The following OR52N4 variants were observed in gnomAD, a reference collection of about 807,000 sequenced individuals.
OR52N4 encodes the protein olfactory receptor family 52 subfamily N member 4.
OR52N4 carries 15 observed loss-of-function variants against 15.0 expected under a neutral mutation model. The ratio of observed to expected loss-of-function variants is 1.00; its 90% CI spans 0.67 to 1.54. The LOEUF is 1.54. OR52N4 is among the 40% of genes most tolerant of loss of function. The pLI is 0.00. For synonymous variants in OR52N4, 143 were observed against 143.7 expected (o/e 1.00, Z 0.03); for missense variants, 421 against 394.0 (o/e 1.07, Z -0.58).
At chr11:5,726,782 A>G in the OR52N4 span, 1 of 153,514 alleles carries the variant, frequency 6.5e-6, no homozygotes, top group Non-Finnish European at 1.5e-5. Context: ...AGCCGGACAT[A>G]TATCTGCCTC....
At chr11:5,727,515 G>A in the OR52N4 span, 1 of 152,056 alleles carries the variant, frequency 6.6e-6, no homozygotes, top group Non-Finnish European at 1.5e-5. Context: ...ACCTTTTCAA[G>A]ATAATCCTCA....
At chr11:5,744,865 G>A in the OR52N4 span, among the ~76,000 whole-genome samples, 1 of 152,158 alleles carries the variant, frequency 6.6e-6, no homozygotes, top group Admixed American at 6.5e-5. Context: ...AAGTTGCAGT[G>A]AGCCAAGATT....
the OR52N4 span, among the ~76,000 whole-genome samples, chr11:5,744,252 A>G: frequency 6.6e-6 from 1 of 152,328 alleles, no homozygotes; most frequent in African/African-American, 2.4e-5. Flanking sequence ...GACCAGAGGC[A>G]TTCACAATCA....
chr11:5,748,432 T>C, the OR52N4 span, among the ~76,000 whole-genome samples: 92 of 151,958 alleles, frequency 6.1e-4, no homozygotes, highest in African/African-American at 2.1e-3. Flanking sequence ...ATCATAATGA[T>C]GATTATTTCA....
the OR52N4 span, chr11:5,735,959 T>C: frequency 6.5e-6 from 1 of 154,612 alleles, no homozygotes. Flanking sequence ...AAGCTTCTTA[T>C]TAGTTTTACC....
the OR52N4 span, among the ~76,000 whole-genome samples, chr11:5,744,614 C>A: frequency 6.6e-6 from 1 of 152,162 alleles, no homozygotes; most frequent in African/African-American, 2.4e-5. Flanking sequence ...ATGGGCATAA[C>A]ACAATTAAAA....
chr11:5,755,483 G>T lies in OR52N4; in HGVS notation c.743G>T (p.Cys248Phe). The T allele has an allele frequency of 6.2e-7, 1 of 1,613,950 alleles. No individual in the cohort carries two copies. The highest frequency in any genetic ancestry group is 1.1e-5 in the South Asian group (1 of 91,084). ...TTTAATACCTGCACTGCCCACATTT[G>T]TGCCATTGTTTTCTCCTATACTCCA... The part of the protein sequence containing the change: ...KAFNTCTAHI[C>F]AIVFSYTPAF... The change falls in exon 2 of 2, where the codon TGT becomes TTT. Residue 248 changes from cysteine to phenylalanine, a missense_variant. Coordinates refer to ENST00000641350, the MANE Select transcript of OR52N4 (RefSeq NM_001005175.5).
chr11:5,736,289 A>C, the OR52N4 span: 1 of 527,790 alleles, frequency 1.9e-6, no homozygotes, highest in Non-Finnish European at 3.4e-6. Context: ...TTCATCTCCC[A>C]TAATTCTTCA....
At chr11:5,744,219 A>G in the OR52N4 span, among the ~76,000 whole-genome samples, 1 of 152,290 alleles carries the variant, frequency 6.6e-6, no homozygotes, top group African/African-American at 2.4e-5. Flanking sequence ...GTGCAACTGA[A>G]TCTTCTAACA....
the OR52N4 span, chr11:5,737,109 G>C: frequency 6.2e-7 from 1 of 1,614,056 alleles, no homozygotes; most frequent in Non-Finnish European, 8.5e-7. Context: ...AGCCTGGCTT[G>C]TGATGACAGG....
At chr11:5,748,034 C>A in the OR52N4 span, among the ~76,000 whole-genome samples, 1 of 150,078 alleles carries the variant, frequency 6.7e-6, no homozygotes, top group Non-Finnish European at 1.5e-5. Context: ...TCATATTTTT[C>A]TTTTGAAAGG....
the OR52N4 span, chr11:5,736,521 A>ATT: frequency 6.2e-7 from 1 of 1,613,448 alleles, no homozygotes. Flanking sequence ...TGAATCATGA[A>ATT]TCATATGTCT....
chr11:5,747,274 G>A, the OR52N4 span, among the ~76,000 whole-genome samples: 1 of 151,580 alleles, frequency 6.6e-6, no homozygotes, highest in Non-Finnish European at 1.5e-5. Context: ...AGGCCAACCA[G>A]CCTTTGCAAA....
the OR52N4 span, among the ~76,000 whole-genome samples, chr11:5,728,287 C>T: frequency 6.6e-6 from 1 of 152,174 alleles, no homozygotes; most frequent in Non-Finnish European, 1.5e-5. Flanking sequence ...ACCCAAACCA[C>T]TCAGAATGGG....
chr11:5,754,889 T>A lies in OR52N4; in HGVS notation c.149T>A (p.Leu50His), dbSNP rs1391491829. 3.1e-6 allele frequency: 5 copies of A among 1,613,830 alleles called. No homozygotes were observed. The South Asian group carries it at 3.3e-5, about 11-fold the overall frequency. ...AMVGNCGLLY[L>H]IHYEDALHKP... The stretch of plus-strand genomic sequence containing the variant: ...GTAGGGAATTGTGGACTCCTCTACC[T>A]CATTCACTATGAGGATGCCCTGCAC... Residue 50 changes from leucine to histidine, a missense_variant, in exon 2 of 2, where the codon CTC (leucine) becomes CAC (histidine). Transcript: ENST00000641350.
chr11:5,731,456 T>C, the OR52N4 span, among the ~76,000 whole-genome samples: 1 of 152,352 alleles, frequency 6.6e-6, no homozygotes, highest in Non-Finnish European at 1.5e-5. Context: ...TCCAGAATTG[T>C]TGTGTACGTC....
At position 5,755,884 on chromosome 11, in the gene OR52N4, TTTCTATAAATTTTTTAC is replaced by T. The variant is rs1360922045; in HGVS notation, c.*179_*195del. On this transcript the variant is annotated 3_prime_UTR_variant, in exon 2 of 2. Coordinates refer to ENST00000641350, the MANE Select transcript of OR52N4 (RefSeq NM_001005175.5). Reference sequence around the variant, plus strand: ...AACATCATTGGAAGGCCCACCAACATTTCTATAAATTTTTTACCTTCTCACTCATGTGAAGGACCAGT... The same window carrying T: ...AACATCATTGGAAGGCCCACCAACATCTTCTCACTCATGTGAAGGACCAGT... The T allele has an allele frequency of 8.5e-6, 6 of 702,156 alleles. No individual in the cohort carries two copies. Among genetic ancestry groups the T allele is most frequent in the Non-Finnish European group, 1.4e-5 (6 of 441,096 alleles). The allele number at this position is 702,156 out of a possible 1,614,324, so 43.5% of individuals were successfully genotyped here.
upstream of OR52N4, among the ~76,000 whole-genome samples, chr11:5,751,654 GTTTA>G (rs906549815): frequency 2.6e-5 from 4 of 151,886 alleles, no homozygotes; most frequent in African/African-American, 9.7e-5. Flanking sequence ...TTACTTATTT[GTTTA>G]TTTATTTTAA....
At chr11:5,736,244 C>T in the OR52N4 span, 3 of 418,248 alleles carry the variant, frequency 7.2e-6, no homozygotes, top group East Asian at 9.4e-5. Flanking sequence ...CGTTAATGGA[C>T]ATCTATATCA....
Sources: allele counts gnomAD v4.1 joint callset (sites outside exome capture counted in the v4.1 genomes callset), GRCh38; gene constraint gnomAD v4.1.1; transcripts MANE v1.5; gene names NCBI Gene and HGNC (gene_info 2026-07-23, HGNC 2026-07-21).